DPM1: variants seen among roughly 807,000 people sequenced by gnomAD.
DPM1 encodes the protein dolichol-phosphate mannosyltransferase subunit 1.
In DPM1, 27 loss-of-function variants were observed where a neutral mutation model predicts 39.0. The observed-to-expected ratio is 0.69, with a 90% confidence interval of 0.51 to 0.95. DPM1 has a LOEUF of 0.95. DPM1 is among the 40% of genes least tolerant of loss of function. The pLI, the probability that DPM1 is intolerant of heterozygous loss-of-function variation, is 0.00. For synonymous variants in DPM1, 124 were observed against 109.0 expected (o/e 1.14, Z -0.86); for missense variants, 307 against 315.6 (o/e 0.97, Z 0.21).
intron 2 of DPM1, among the ~76,000 whole-genome samples, chr20:50,951,007 C>T (rs1489086017): frequency 6.6e-6 from 1 of 152,194 alleles, no homozygotes; most frequent in African/African-American, 2.4e-5. Context: ...TATACTTTTT[C>T]TTATACATAC....
intron 2 of DPM1, among the ~76,000 whole-genome samples, chr20:50,954,408 C>T (rs570963248): frequency 3.9e-5 from 6 of 152,140 alleles, no homozygotes; most frequent in Admixed American, 6.5e-5. Flanking sequence ...ACAATAAACA[C>T]GACAACCCCC....
intron 8 of DPM1, among the ~76,000 whole-genome samples, chr20:50,935,923 G>A (rs1329195245): frequency 6.6e-6 from 1 of 152,146 alleles, no homozygotes; most frequent in Non-Finnish European, 1.5e-5. Context: ...GAAAGTACCA[G>A]GAACTTTTAA....
At chr20:50,944,112 A>T (rs187899996) in intron 5 of DPM1, among the ~76,000 whole-genome samples, 1 of 152,360 alleles carries the variant, frequency 6.6e-6, no homozygotes, top group Admixed American at 6.5e-5. Flanking sequence ...GGGTTATAGC[A>T]ACTTATACTT....
At chr20:50,938,369 G>T (rs1030322833) in intron 7 of DPM1, among the ~76,000 whole-genome samples, 1 of 151,486 alleles carries the variant, frequency 6.6e-6, no homozygotes, top group African/African-American at 2.4e-5. Flanking sequence ...AAGACAATGA[G>T]ATTTAACTAT....
At chr20:50,950,777 G>C (rs1367632695) in intron 2 of DPM1, among the ~76,000 whole-genome samples, 2 of 152,144 alleles carry the variant, frequency 1.3e-5, no homozygotes, top group Non-Finnish European at 1.5e-5. Context: ...GGCTGAGGTA[G>C]AAGAATCGCT....
intron 5 of DPM1, among the ~76,000 whole-genome samples, chr20:50,944,089 A>G (rs2034849510): frequency 1.3e-5 from 2 of 152,286 alleles, no homozygotes; most frequent in South Asian, 2.1e-4. Context: ...ATTTGAACAC[A>G]TATTTTCCAA....
At chr20:50,956,015 A>G (rs1986806732) in intron 1 of DPM1, among the ~76,000 whole-genome samples, 1 of 152,250 alleles carries the variant, frequency 6.6e-6, no homozygotes, top group South Asian at 2.1e-4. Context: ...CAAATAGAAT[A>G]ATCAAGTATA....
chr20:50,938,244 T>C (rs1009652741), intron 7 of DPM1, among the ~76,000 whole-genome samples: 1 of 152,166 alleles, frequency 6.6e-6, no homozygotes, highest in African/African-American at 2.4e-5. Context: ...TTCCTTTTCT[T>C]ATTTTGTAAA....
At chr20:50,950,389 T>C (rs924753695) in intron 2 of DPM1, among the ~76,000 whole-genome samples, 9 of 152,298 alleles carry the variant, frequency 5.9e-5, no homozygotes, top group South Asian at 2.1e-4. Flanking sequence ...TCTATGATAA[T>C]TGCAAGTCAC....
chr20:50,942,383 G>A (rs762347595), intron 5 of DPM1, among the ~76,000 whole-genome samples: 1 of 151,994 alleles, frequency 6.6e-6, no homozygotes, highest in African/African-American at 2.4e-5. Flanking sequence ...GCGGGTGCCT[G>A]TAATCCCAGC....
At chr20:50,940,806 C>G (rs1985661406) in intron 7 of DPM1, 59 bp downstream of exon 7, 1 of 1,278,120 alleles carries the variant, frequency 7.8e-7, no homozygotes, top group Non-Finnish European at 1.1e-6. Context: ...TTTAAAATAT[C>G]CATTGTAAAG....
rs80243031 is a variant in DPM1, at chr20:50,958,298, G to C, written c.161+65C>G. The C allele has an allele frequency of 2.1e-3, 3,306 of 1,594,110 alleles. 26 individuals carry two copies. In the African/African-American group the frequency reaches 0.022, roughly 11 times the overall value. On this transcript the variant is annotated intron_variant, in intron 1 of 8. Transcript: ENST00000371588. Reference sequence around the variant, plus strand: ...ACAGGGCCGCTTCGCGCAGCCAGCTGCCGACACCCGGGCCGGGGAAGCCAG... The same window carrying C: ...ACAGGGCCGCTTCGCGCAGCCAGCTCCCGACACCCGGGCCGGGGAAGCCAG...
chr20:50,956,442 A>G (rs1421294489), intron 1 of DPM1, among the ~76,000 whole-genome samples: 7 of 151,944 alleles, frequency 4.6e-5, no homozygotes. Context: ...TCTCTACTAA[A>G]AAGAACCCGG....
chr20:50,941,362 T>TATAC lies in DPM1; in HGVS notation c.495-430_495-429insGTAT, dbSNP rs1555821532. 5.6e-3 allele frequency among the ~76,000 whole-genome samples: 739 copies of TATAC among 132,974 alleles called. 16 individuals are homozygous for TATAC. The highest frequency in any genetic ancestry group is 0.023 in the African/African-American group (707 of 31,034). 87.2% of individuals were successfully genotyped at this position (132,974 alleles called of 152,430 possible). The stretch of plus-strand genomic sequence containing the variant: ...TTCGTATTATATATATTCATATACA[T>TATAC]ATATATTCATATTATATATATTCAT... On this transcript the variant is annotated intron_variant, in intron 6 of 8. Transcript: ENST00000371588.
At chr20:50,938,471 C>T (rs1170910008) in intron 7 of DPM1, among the ~76,000 whole-genome samples, 1 of 151,430 alleles carries the variant, frequency 6.6e-6, no homozygotes, top group Non-Finnish European at 1.5e-5. Context: ...CAAGCTCTGC[C>T]TCCCAGGTTC....
chr20:50,939,069 T>C (rs183013740), intron 7 of DPM1, among the ~76,000 whole-genome samples: 6 of 152,292 alleles, frequency 3.9e-5, no homozygotes, highest in African/African-American at 7.2e-5. Context: ...CAGCTAATCA[T>C]TGCTGTCAAT....
At chr20:50,948,247 C>T (rs1881044996) in intron 3 of DPM1, among the ~76,000 whole-genome samples, 1 of 152,180 alleles carries the variant, frequency 6.6e-6, no homozygotes, top group African/African-American at 2.4e-5. Context: ...ATTCTAGCTC[C>T]CTCTGGGCAG....
In DPM1 at chr20:50,936,278, A is replaced by C; in HGVS notation, c.564-16T>G. ...TCGGTATAATCTGTAAGAAATTAAA[A>C]ATATATATCAACTTCTGGATAAATA... On this transcript the variant is annotated splice_polypyrimidine_tract_variant and intron_variant, in intron 7 of 8. Transcript: ENST00000371588. 1.3e-6 allele frequency: 2 copies of C among 1,491,560 alleles called. No individual in the cohort carries two copies. The highest frequency in any genetic ancestry group is 2.3e-5 in the South Asian group (2 of 87,948). 92.4% of individuals were successfully genotyped at this position (1,491,560 alleles called of 1,614,324 possible).
In DPM1 at chr20:50,958,407, G is replaced by T. The variant is rs1488509110; in HGVS notation, c.117C>A (p.Asn39Lys). ...VLLPTYNERENLPLIVWLLVK... is the reference protein window; with the variant it reads ...VLLPTYNEREKLPLIVWLLVK... ...CCAGCAGCCACACGATGAGCGGCAG[G>T]TTCTCGCGCTCGTTGTAGGTAGGTA... Residue 39 changes from asparagine (N) to lysine (K), a missense_variant, in exon 1 of 9, where the codon AAC becomes AAA. Transcript: ENST00000371588. 6.2e-7 allele frequency: 1 copy of T among 1,613,946 alleles called. No individual in the cohort carries two copies. Among genetic ancestry groups the T allele is most frequent in the Non-Finnish European group, 8.5e-7 (1 of 1,180,054 alleles).
Sources: gnomAD v4.1 joint callset for allele counts (sites outside exome capture counted in the v4.1 genomes callset) on GRCh38, gnomAD v4.1.1 for gene constraint, MANE v1.5 for transcripts, NCBI Gene and HGNC (gene_info 2026-07-23, HGNC 2026-07-21) for gene names.